PMFBP1: variants seen among roughly 807,000 people sequenced by gnomAD.
PMFBP1 encodes the protein polyamine modulated factor 1 binding protein 1.
In PMFBP1, 131 loss-of-function variants were observed where a neutral mutation model predicts 137.8. The observed-to-expected ratio is 0.95, with a 90% CI of 0.82 to 1.10. The LOEUF (loss-of-function observed/expected upper bound fraction) is 1.10, where lower values mean the gene tolerates loss of function less well. Among genes scored for constraint, PMFBP1 ranks in the 50% least tolerant of loss-of-function variants. The pLI is 0.00. For synonymous variants in PMFBP1, 490 were observed against 450.4 expected (o/e 1.09, Z -1.11); for missense variants, 1,199 against 1,175.4 (o/e 1.02, Z -0.29).
chr16:72,219,577 GA>G, the PMFBP1 span, among the ~76,000 whole-genome samples: 4 of 152,266 alleles, frequency 2.6e-5, no homozygotes, highest in Non-Finnish European at 4.4e-5. Flanking sequence ...GCTCCAGATG[GA>G]AAACATGAGT....
chr16:72,155,850 A>G (rs1054077810), intron 3 of PMFBP1, among the ~76,000 whole-genome samples: 9 of 152,116 alleles, frequency 5.9e-5, no homozygotes, highest in African/African-American at 1.7e-4. Flanking sequence ...GCCCATTTTC[A>G]GTCACCCCTG....
chr16:72,231,686 T>C, the PMFBP1 span, among the ~76,000 whole-genome samples: 4 of 152,146 alleles, frequency 2.6e-5, no homozygotes, highest in African/African-American at 9.7e-5. Context: ...CAAAGAAATA[T>C]AAAATACAAG....
chr16:72,192,305 G>A, the PMFBP1 span, among the ~76,000 whole-genome samples: 2 of 152,056 alleles, frequency 1.3e-5, no homozygotes, highest in Non-Finnish European at 1.5e-5. Context: ...ATTTCCTCAG[G>A]TATTTTGTTT....
intron 3 of PMFBP1, among the ~76,000 whole-genome samples, chr16:72,159,835 A>C (rs2144475227): frequency 6.6e-6 from 1 of 151,566 alleles, no homozygotes; most frequent in East Asian, 1.9e-4. Flanking sequence ...TAATGAAGAC[A>C]CAGATATTTT....
At chr16:72,247,610 A>C in the PMFBP1 span, among the ~76,000 whole-genome samples, 2 of 152,182 alleles carry the variant, frequency 1.3e-5, no homozygotes, top group African/African-American at 2.4e-5. Flanking sequence ...GTGGCTTGTG[A>C]AATATTAGTT....
intron 5 of PMFBP1, among the ~76,000 whole-genome samples, chr16:72,149,045 C>G (rs2042859039): frequency 6.6e-6 from 1 of 152,198 alleles, no homozygotes; most frequent in Non-Finnish European, 1.5e-5. Context: ...TCGACTTCTT[C>G]CTTTGCCCAA....
At chr16:72,135,654 G>T (rs1242624802) in intron 9 of PMFBP1, among the ~76,000 whole-genome samples, 1 of 150,940 alleles carries the variant, frequency 6.6e-6, no homozygotes, top group Non-Finnish European at 1.5e-5. Context: ...GATTTATGTT[G>T]GCAGTAACAG....
the PMFBP1 span, among the ~76,000 whole-genome samples, chr16:72,198,221 CAG>C: frequency 3.9e-3 from 589 of 152,290 alleles, 5 homozygotes; most frequent in African/African-American, 0.014. Context: ...GTCACGTGAG[CAG>C]AGAGTGCTCA....
intron 9 of PMFBP1, 137 bp downstream of exon 9, chr16:72,136,311 T>C (rs1298534325): frequency 8.2e-6 from 8 of 970,214 alleles, no homozygotes; most frequent in Non-Finnish European, 1.2e-5. Context: ...AGCCTGGGCC[T>C]GAAGAGCCAC....
chr16:72,210,018 T>G, the PMFBP1 span, among the ~76,000 whole-genome samples: 4 of 152,178 alleles, frequency 2.6e-5, no homozygotes, highest in Admixed American at 2.0e-4. Flanking sequence ...CTTCCTGGTG[T>G]TGTTAGTCTT....
intron 12 of PMFBP1, among the ~76,000 whole-genome samples, chr16:72,130,007 C>CT (rs1418195613): frequency 2.0e-5 from 3 of 150,930 alleles, no homozygotes; most frequent in African/African-American, 7.4e-5. Context: ...CCATTATGCC[C>CT]TGATAATGTT....
chr16:72,209,210 C>G, the PMFBP1 span, among the ~76,000 whole-genome samples: 1 of 152,224 alleles, frequency 6.6e-6, no homozygotes, highest in Non-Finnish European at 1.5e-5. Flanking sequence ...GCGACATGCA[C>G]AGCATGCCTG....
chr16:72,231,982 G>A, the PMFBP1 span, among the ~76,000 whole-genome samples: 2 of 146,464 alleles, frequency 1.4e-5, no homozygotes, highest in East Asian at 4.2e-4. Context: ...TTTGGGTCTT[G>A]GAGAACTTCA....
At chr16:72,249,705 A>C in the PMFBP1 span, among the ~76,000 whole-genome samples, 43 of 151,624 alleles carry the variant, frequency 2.8e-4, no homozygotes, top group African/African-American at 9.7e-4. Flanking sequence ...TTACGAGGTC[A>C]GGAGATTGAG....
upstream of PMFBP1, among the ~76,000 whole-genome samples, chr16:72,180,705 T>C (rs1427308343): frequency 6.6e-6 from 1 of 151,956 alleles, no homozygotes; most frequent in Non-Finnish European, 1.5e-5. Context: ...TCTGTATGTG[T>C]TGTAGTAACC....
the PMFBP1 span, among the ~76,000 whole-genome samples, chr16:72,216,013 C>G: frequency 6.6e-6 from 1 of 152,206 alleles, no homozygotes; most frequent in South Asian, 2.1e-4. Context: ...CATATGCTAT[C>G]TTGCATGTAA....
the PMFBP1 span, among the ~76,000 whole-genome samples, chr16:72,192,911 A>G: frequency 6.6e-6 from 1 of 151,892 alleles, no homozygotes; most frequent in Non-Finnish European, 1.5e-5. Context: ...CAAAAAAAAA[A>G]AAAAAAGAAG....
At chr16:72,240,273 C>T in the PMFBP1 span, among the ~76,000 whole-genome samples, 1 of 152,218 alleles carries the variant, frequency 6.6e-6, no homozygotes, top group East Asian at 1.9e-4. Context: ...TACTAGTTTG[C>T]AGAGCTTAGT....
At chr16:72,178,567 T>G (rs1368845987), upstream of PMFBP1, among the ~76,000 whole-genome samples, 1 of 152,212 alleles carries the variant, frequency 6.6e-6, no homozygotes, top group Non-Finnish European at 1.5e-5. Flanking sequence ...ATTTAATTAA[T>G]GTATTGTTTA....
Sources: allele counts gnomAD v4.1 joint callset (sites outside exome capture counted in the v4.1 genomes callset), GRCh38; gene constraint gnomAD v4.1.1; transcripts MANE v1.5; gene names NCBI Gene and HGNC (gene_info 2026-07-23, HGNC 2026-07-21).